The following MECOM variants were observed in gnomAD, a reference collection of about 807,000 sequenced individuals.
MECOM encodes histone-lysine N-methyltransferase MECOM.
A neutral mutation model predicts 116.3 loss-of-function variants in MECOM; 13 were observed. The ratio of observed to expected loss-of-function variants is 0.11; its 90% CI spans 0.07 to 0.18. The LOEUF (loss-of-function observed/expected upper bound fraction) is 0.18, where lower values mean the gene tolerates loss of function less well. Ranked by LOEUF, MECOM falls within the 10% of genes least tolerant of loss-of-function variation. MECOM has a pLI of 1.00. For missense variants in MECOM, 1,299 were observed against 1,509.0 expected, an observed-to-expected ratio of 0.86 and a Z score of 2.31; for synonymous variants, 528 against 535.2, an observed-to-expected ratio of 0.99 and a Z score of 0.19.
At chr3:169,343,477 T>C (rs1724890531) in intron 2 of MECOM, among the ~76,000 whole-genome samples, 2 of 152,130 alleles carry the variant, frequency 1.3e-5, no homozygotes, top group Non-Finnish European at 2.9e-5. Context: ...TGGCTCTGTC[T>C]TCAGAGTAGG....
At chr3:169,387,728 C>G (rs1053318064) in intron 1 of MECOM, among the ~76,000 whole-genome samples, 7 of 151,942 alleles carry the variant, frequency 4.6e-5, no homozygotes, top group Non-Finnish European at 1.0e-4. Flanking sequence ...TGTGTATTTG[C>G]AATCTGTGTG....
chr3:169,637,409 A>G (rs1772933561), intron 1 of MECOM, among the ~76,000 whole-genome samples: 1 of 152,252 alleles, frequency 6.6e-6, no homozygotes, highest in Admixed American at 6.5e-5. Flanking sequence ...ATCTGGAATC[A>G]GACCCAACTT....
chr3:169,581,356 A>G (rs142030662), intron 1 of MECOM, among the ~76,000 whole-genome samples: 195 of 152,258 alleles, frequency 1.3e-3, no homozygotes, highest in Non-Finnish European at 2.4e-4. Context: ...AGGTGGCAAA[A>G]AAAAGCAGTT....
intron 2 of MECOM, among the ~76,000 whole-genome samples, chr3:169,343,134 A>C (rs915950429): frequency 6.6e-6 from 1 of 152,054 alleles, no homozygotes; most frequent in Non-Finnish European, 1.5e-5. Context: ...TTTCTCAGAG[A>C]CCCATTTCTT....
intron 2 of MECOM, among the ~76,000 whole-genome samples, chr3:169,151,478 G>C (rs1431287065): frequency 6.6e-6 from 1 of 152,268 alleles, no homozygotes; most frequent in Admixed American, 6.5e-5. Context: ...TAAACTCCAA[G>C]CCTAACATCT....
Position 169,190,411 on chromosome 3 carries a change from A to G in MECOM, c.376-46579T>C, listed in dbSNP as rs531022301. ...ATTAAGCAAAGTCTCCTATTTTATG[A>G]TCTATATCAGATGATAAAGGAAACT... On this transcript the variant is annotated intron_variant, in intron 2 of 16. Transcript: ENST00000651503. Among the ~76,000 whole-genome samples the G allele has an allele frequency of 3.1e-4, 47 of 152,128 alleles. No individual in the cohort carries two copies. The South Asian group carries it at 9.5e-3, about 31-fold the overall frequency.
intron 1 of MECOM, among the ~76,000 whole-genome samples, chr3:169,628,674 G>A (rs1004979332): frequency 9.2e-5 from 14 of 152,148 alleles, no homozygotes; most frequent in African/African-American, 3.1e-4. Context: ...GAGTTCAGGG[G>A]CCAGGCTGAA....
In MECOM at chr3:169,594,961, A is replaced by G. The variant is rs190304978; in HGVS notation, c.37+68375T>C. Among the ~76,000 whole-genome samples the G allele has an allele frequency of 1.6e-3, 237 of 151,482 alleles. 1 individual carries two copies. Among genetic ancestry groups the G allele is most frequent in the African/African-American group, 5.4e-3 (225 of 41,422 alleles). On this transcript the variant is annotated intron_variant, in intron 1 of 16. Coordinates refer to ENST00000651503, the MANE Select transcript of MECOM (RefSeq NM_004991.4). ...AGGGCTGGACTGATTTAATTTAGTG[A>G]GAACTGTTTCTTTTAAGTGAATTGG...
chr3:169,638,203 G>A (rs550615342), intron 1 of MECOM, among the ~76,000 whole-genome samples: 1 of 152,068 alleles, frequency 6.6e-6, no homozygotes, highest in African/African-American at 2.4e-5. Context: ...TCTTCCCCTA[G>A]CATTAGTACT....
intron 1 of MECOM, among the ~76,000 whole-genome samples, chr3:169,396,886 T>C (rs1025262258): frequency 4.6e-5 from 7 of 151,984 alleles, no homozygotes; most frequent in Admixed American, 1.3e-4. Flanking sequence ...GGTAGGAGAA[T>C]TGCATGAACC....
chr3:169,571,443 TC>T (rs1763891995), intron 1 of MECOM, among the ~76,000 whole-genome samples: 1 of 152,260 alleles, frequency 6.6e-6, no homozygotes, highest in African/African-American at 2.4e-5. Flanking sequence ...TTCAATGCTA[TC>T]CCCATCAAGC....
chr3:169,382,879 A>AAAAAAAAAAAAAAAAAAGAAG lies in MECOM; in HGVS notation c.38-1356_38-1355insCTTCTTTTTTTTTTTTTTTTT, dbSNP rs1358767356. Among the ~76,000 whole-genome samples the AAAAAAAAAAAAAAAAAAGAAG allele has an allele frequency of 8.7e-4, 121 of 138,406 alleles. 1 individual carries two copies. The highest frequency in any genetic ancestry group is 1.2e-3 in the Non-Finnish European group (76 of 63,660). The allele number at this position is 138,406 out of a possible 152,430, so 90.8% of individuals were successfully genotyped here. On this transcript the variant is annotated intron_variant, in intron 1 of 16. Coordinates refer to ENST00000651503, the MANE Select transcript of MECOM (RefSeq NM_004991.4). ...AAAAAAAAAAATAAAAAAAATAAAAAAAGAAGGTAAAATGGGTTGCCTCCA... is the reference window on the plus strand; with the variant it reads ...AAAAAAAAAAATAAAAAAAATAAAAAAAAAAAAAAAAAAAAAAGAAGAAGAAGGTAAAATGGGTTGCCTCCA...
chr3:169,613,984 CTTG>C (rs1560495177), intron 1 of MECOM, among the ~76,000 whole-genome samples: 1 of 152,092 alleles, frequency 6.6e-6, no homozygotes, highest in Admixed American at 6.6e-5. Flanking sequence ...TTTAATGGTG[CTTG>C]TTATTTTCTC....
At chr3:169,310,129 C>T (rs759874866) in intron 2 of MECOM, among the ~76,000 whole-genome samples, 1 of 152,178 alleles carries the variant, frequency 6.6e-6, no homozygotes, top group Non-Finnish European at 1.5e-5. Flanking sequence ...AGCCATTTTG[C>T]AATTTTTTCC....
rs1231405866 is a variant in MECOM at position 169,183,819 on chromosome 3, CAT to C, written c.376-39989_376-39988del. ...ACACACACACACACACACACACACA[CAT>C]ATATATATATATACACACATACATA... On this transcript the variant is annotated intron_variant, in intron 2 of 16. Transcript: ENST00000651503. 4.1e-4 allele frequency among the ~76,000 whole-genome samples: 36 copies of C among 87,570 alleles called. 1 individual carries two copies. Among genetic ancestry groups the C allele is most frequent in the African/African-American group, 1.5e-3 (22 of 14,394 alleles). 57.4% of individuals were successfully genotyped at this position (87,570 alleles called of 152,430 possible).
intron 1 of MECOM, among the ~76,000 whole-genome samples, chr3:169,409,362 G>A (rs1053808302): frequency 4.6e-5 from 7 of 152,122 alleles, no homozygotes; most frequent in African/African-American, 1.7e-4. Context: ...TATTTTGCTT[G>A]TGTTTTCCAT....
chr3:169,354,158 G>T (rs1341619469), intron 2 of MECOM, among the ~76,000 whole-genome samples: 3 of 151,742 alleles, frequency 2.0e-5, no homozygotes, highest in Non-Finnish European at 2.9e-5. Context: ...TTAAAATATT[G>T]TTAGAAAACA....
rs71166260 is a variant in MECOM at position 169,663,474 on chromosome 3, G to GTCTCTCTCTC, written c.-112_-103dup. The GTCTCTCTCTC allele has an allele frequency of 2.4e-4, 136 of 569,274 alleles. No homozygotes were observed. The highest frequency in any genetic ancestry group is 7.2e-4 in the African/African-American group (16 of 22,152). The allele number at this position is 569,274 out of a possible 1,614,324, so 35.3% of individuals were successfully genotyped here. A position where few individuals can be genotyped will look rare whatever the true frequency, so the allele number is the denominator to read the frequency against. ...CTCTCGCTCCCTCCCTCTCTCTCCT[G>GTCTCTCTCTC]TCTCTCTCTCTCTCTCTCTCTCTCT... On this transcript the variant is annotated 5_prime_UTR_variant, in exon 1 of 17. Coordinates refer to ENST00000651503, the MANE Select transcript of MECOM (RefSeq NM_004991.4).
intron 1 of MECOM, among the ~76,000 whole-genome samples, chr3:169,626,186 C>G (rs1410273479): frequency 6.6e-6 from 1 of 152,190 alleles, no homozygotes; most frequent in African/African-American, 2.4e-5. Context: ...ATAACAGCAG[C>G]TGTATCTGTT....
Sources: allele counts gnomAD v4.1 joint callset (sites outside exome capture counted in the v4.1 genomes callset), GRCh38; gene constraint gnomAD v4.1.1; transcripts MANE v1.5; gene names NCBI Gene and HGNC (gene_info 2026-07-23, HGNC 2026-07-21).